The following CTNNA2 variants were observed in gnomAD, a reference collection of about 807,000 sequenced individuals.
The protein encoded by CTNNA2 is catenin alpha 2.
A neutral mutation model predicts 101.0 loss-of-function variants in CTNNA2; 42 were observed. The observed-to-expected ratio is 0.42, with a 90% confidence interval of 0.32 to 0.54. The LOEUF (loss-of-function observed/expected upper bound fraction) is 0.54, where lower values mean the gene tolerates loss of function less well. Ranked by LOEUF, CTNNA2 falls within the 20% of genes least tolerant of loss-of-function variation. CTNNA2 has a pLI of 0.14. For synonymous variants in CTNNA2, 450 were observed against 456.4 expected (o/e 0.99, Z 0.18); for missense variants, 871 against 1,223.1 (o/e 0.71, Z 4.29).
At chr2:80,379,359 G>T (rs1007746118) in intron 7 of CTNNA2, among the ~76,000 whole-genome samples, 3 of 152,162 alleles carry the variant, frequency 2.0e-5, no homozygotes, top group African/African-American at 7.2e-5. Flanking sequence ...AGCTGGTATA[G>T]CTTTTTCTTT....
intron 7 of CTNNA2, among the ~76,000 whole-genome samples, chr2:80,164,462 A>G (rs1704530495): frequency 6.6e-6 from 1 of 152,022 alleles, no homozygotes; most frequent in Non-Finnish European, 1.5e-5. Flanking sequence ...ATTTATAGTT[A>G]TTGTCAATAT....
intron 2 of CTNNA2, among the ~76,000 whole-genome samples, chr2:79,285,115 A>T (rs546253531): frequency 4.0e-5 from 6 of 151,272 alleles, no homozygotes; most frequent in African/African-American, 1.5e-4. Flanking sequence ...TATCCCCTTT[A>T]TCATTTTTTA....
intron 4 of CTNNA2, among the ~76,000 whole-genome samples, chr2:79,388,850 T>G (rs1678136217): frequency 6.6e-6 from 1 of 152,146 alleles, no homozygotes; most frequent in African/African-American, 2.4e-5. Context: ...CTTTAACAGG[T>G]ATTCCATATT....
At chr2:79,731,104 T>G (rs1301941442) in intron 2 of CTNNA2, among the ~76,000 whole-genome samples, 4 of 152,006 alleles carry the variant, frequency 2.6e-5, no homozygotes, top group Non-Finnish European at 5.9e-5. Context: ...AATATGGGTT[T>G]GTTTGTTTGT....
intron 2 of CTNNA2, among the ~76,000 whole-genome samples, chr2:79,678,152 C>T (rs1415015756): frequency 1.3e-5 from 2 of 152,120 alleles, no homozygotes; most frequent in Admixed American, 6.5e-5. Flanking sequence ...CGTGCTTTCC[C>T]GTAAATTGCC....
At chr2:80,542,881 C>T (rs1365152313) in intron 9 of CTNNA2, among the ~76,000 whole-genome samples, 1 of 151,614 alleles carries the variant, frequency 6.6e-6, no homozygotes, top group Non-Finnish European at 1.5e-5. Flanking sequence ...GATTTTTTCC[C>T]CCCCCCACAT....
At chr2:79,923,257 G>C (rs1686795905) in intron 7 of CTNNA2, among the ~76,000 whole-genome samples, 2 of 152,098 alleles carry the variant, frequency 1.3e-5, no homozygotes, top group Admixed American at 1.3e-4. Flanking sequence ...CAATGGTAGA[G>C]GCAACAACCA....
intron 6 of CTNNA2, among the ~76,000 whole-genome samples, chr2:79,876,969 T>C (rs1683070808): frequency 6.6e-6 from 1 of 151,920 alleles, no homozygotes; most frequent in African/African-American, 2.4e-5. Flanking sequence ...AAAATTAAAA[T>C]ATAAAGTATA....
intron 2 of CTNNA2, among the ~76,000 whole-genome samples, chr2:79,299,407 T>A (rs539867362): frequency 6.6e-6 from 1 of 152,194 alleles, no homozygotes; most frequent in Admixed American, 6.5e-5. Context: ...GGCTAATAAG[T>A]TAAGAAAACT....
At chr2:79,656,136 T>C (rs749741694) in intron 2 of CTNNA2, among the ~76,000 whole-genome samples, 8 of 152,168 alleles carry the variant, frequency 5.3e-5, no homozygotes, top group Non-Finnish European at 8.8e-5. Context: ...GGATTTTCCT[T>C]ATGATATTAC....
chr2:79,579,538 T>C (rs572107878), intron 1 of CTNNA2, among the ~76,000 whole-genome samples: 103 of 152,314 alleles, frequency 6.8e-4, no homozygotes, highest in Non-Finnish European at 5.9e-5. Context: ...AAAATATAAA[T>C]GTATTTGCTT....
chr2:80,485,606 G>C (rs566506510), intron 9 of CTNNA2, among the ~76,000 whole-genome samples: 2 of 152,242 alleles, frequency 1.3e-5, no homozygotes, highest in South Asian at 4.2e-4. Flanking sequence ...TGTTTCAGTA[G>C]AACAAGAATG....
At chr2:80,606,915 C>A (rs985811501) in intron 16 of CTNNA2, among the ~76,000 whole-genome samples, 1 of 151,714 alleles carries the variant, frequency 6.6e-6, no homozygotes, top group African/African-American at 2.4e-5. Flanking sequence ...AATCCCTTTC[C>A]GTGTATGGGT....
intron 7 of CTNNA2, among the ~76,000 whole-genome samples, chr2:80,044,581 C>T (rs1214701992): frequency 2.0e-5 from 3 of 152,050 alleles, no homozygotes; most frequent in Non-Finnish European, 2.9e-5. Context: ...GTCTTTCTCT[C>T]CCTCTCCTGG....
rs922973835 is a variant in CTNNA2, at chr2:79,650,455, G to C, written c.-5-1097G>C. Among the ~76,000 whole-genome samples, 3 of 151,884 alleles carry C rather than the reference G, an allele frequency of 2.0e-5. No homozygotes were observed. In the East Asian group the frequency reaches 5.8e-4, roughly 30 times the overall value. On this transcript the variant is annotated intron_variant, in intron 1 of 18. Transcript: ENST00000402739. ...GTCCCAAGGAGTATGATATTCTCAGGGGTCAGTTATGATGTGAAGAAAAAA... is the reference window on the plus strand; with the variant it reads ...GTCCCAAGGAGTATGATATTCTCAGCGGTCAGTTATGATGTGAAGAAAAAA...
chr2:80,161,508 A>G (rs1282301327), intron 7 of CTNNA2, among the ~76,000 whole-genome samples: 4 of 152,166 alleles, frequency 2.6e-5, no homozygotes, highest in Non-Finnish European at 4.4e-5. Flanking sequence ...TTTTAAAATT[A>G]GAAAACGTTA....
At chr2:80,051,517 C>A (rs545001194) in intron 7 of CTNNA2, among the ~76,000 whole-genome samples, 1 of 152,162 alleles carries the variant, frequency 6.6e-6, no homozygotes, top group Non-Finnish European at 1.5e-5. Context: ...ATTTTTGCTG[C>A]AAAGTGGTAT....
intron 7 of CTNNA2, among the ~76,000 whole-genome samples, chr2:80,276,435 CTT>C (rs1193196311): frequency 2.6e-5 from 4 of 152,138 alleles, no homozygotes; most frequent in Non-Finnish European, 4.4e-5. Flanking sequence ...CCTAGAGTGT[CTT>C]TGTCCATTTG....
chr2:80,404,393 T>A (rs570161808), intron 8 of CTNNA2, among the ~76,000 whole-genome samples: 13 of 152,176 alleles, frequency 8.5e-5, no homozygotes, highest in African/African-American at 3.1e-4. Context: ...AAAATAGTAA[T>A]ATATGTAATT....
Sources: allele counts gnomAD v4.1 joint callset (sites outside exome capture counted in the v4.1 genomes callset), GRCh38; gene constraint gnomAD v4.1.1; transcripts MANE v1.5; gene names NCBI Gene and HGNC (gene_info 2026-07-23, HGNC 2026-07-21).